GNG7: variants seen among roughly 807,000 people sequenced by gnomAD.
The protein encoded by GNG7 is G protein subunit gamma 7, also known as guanine nucleotide-binding protein G(I)/G(S)/G(O) subunit gamma-7.
GNG7 carries 1 observed loss-of-function variant against 4.0 expected under a neutral mutation model. That is an observed-to-expected ratio of 0.25 (90% CI 0.09 to 1.18). GNG7 has a LOEUF of 1.18. Among genes scored for constraint, GNG7 ranks in the 50% most tolerant of loss-of-function variants. The pLI is 0.50. For missense variants in GNG7, 86 were observed against 91.9 expected (o/e 0.94, Z 0.26); for synonymous variants, 34 against 36.9 (o/e 0.92, Z 0.29).
intron 1 of GNG7, among the ~76,000 whole-genome samples, chr19:2,649,695 A>G (rs1021813569): frequency 2.0e-5 from 3 of 152,070 alleles, no homozygotes; most frequent in African/African-American, 7.2e-5. Flanking sequence ...GCCAGGAATC[A>G]TTATTTTTAA....
At chr19:2,695,573 A>G (rs1387695107) in intron 1 of GNG7, among the ~76,000 whole-genome samples, 1 of 152,172 alleles carries the variant, frequency 6.6e-6, no homozygotes, top group East Asian at 1.9e-4. Context: ...CAGGAAACCC[A>G]GGGGCACCGG....
intron 1 of GNG7, among the ~76,000 whole-genome samples, chr19:2,694,102 T>C (rs915466518): frequency 6.6e-6 from 1 of 151,988 alleles, no homozygotes; most frequent in Admixed American, 6.6e-5. Context: ...CTCTCTGGGG[T>C]TGGGCTACAT....
chr19:2,700,467 TGG>T (rs1005032299), intron 1 of GNG7, among the ~76,000 whole-genome samples: 4 of 152,132 alleles, frequency 2.6e-5, no homozygotes, highest in Admixed American at 2.6e-4. Flanking sequence ...TTAAAGCTTC[TGG>T]GGGTGACCCT....
intron 1 of GNG7, among the ~76,000 whole-genome samples, chr19:2,662,132 C>T (rs1307017795): frequency 6.6e-6 from 1 of 151,806 alleles, no homozygotes; most frequent in Non-Finnish European, 1.5e-5. Context: ...TGGTTGTGGG[C>T]ACCTGTAATC....
chr19:2,578,509 A>G, intron 2 of GNG7, among the ~76,000 whole-genome samples: 1 of 152,248 alleles, frequency 6.6e-6, no homozygotes, highest in South Asian at 2.1e-4. Flanking sequence ...CCCGTCCTGC[A>G]GGGCCTAAGG....
intron 2 of GNG7, among the ~76,000 whole-genome samples, chr19:2,625,022 G>A (rs1415265593): frequency 2.0e-5 from 3 of 152,200 alleles, no homozygotes; most frequent in African/African-American, 7.2e-5. Context: ...CTCCCTGGGG[G>A]CTCGGGCCCT....
At position 2,692,813 on chromosome 19, in the gene GNG7, CG is replaced by C. The variant is rs1375364239; in HGVS notation, c.-135+9832del. Among the ~76,000 whole-genome samples the C allele has an allele frequency of 4.0e-5, 6 of 151,712 alleles. No homozygotes were observed. The South Asian group carries it at 1.2e-3, about 32-fold the overall frequency. ...CCAGCCTGGACAACACAGCAAGACC[CG>C]GTCTCTACAAAAGATACAAAAATTA... is the stretch of plus-strand genomic sequence containing the variant. On this transcript the variant is annotated intron_variant, in intron 1 of 4. Transcript: ENST00000382159.
In GNG7 at chr19:2,594,448, A is replaced by AAGGG. The variant is rs61492364; in HGVS notation, c.-77-39261_-77-39260insCCCT. On this transcript the variant is annotated intron_variant, in intron 2 of 4. Coordinates refer to ENST00000382159, the MANE Select transcript of GNG7 (RefSeq NM_052847.3). ...GAAGGAAGGAAGGAAGGAAGGAAGG[A>AAGGG]GGAAGAAAGAAACTGCAAATTTAAA... 3.2e-5 allele frequency among the ~76,000 whole-genome samples: 3 copies of AAGGG among 94,274 alleles called. No homozygotes were observed. In the East Asian group the frequency reaches 5.9e-4, roughly 18 times the overall value. 61.8% of individuals were successfully genotyped at this position (94,274 alleles called of 152,430 possible). A position where few individuals can be genotyped will look rare whatever the true frequency, so the allele number is the denominator to read the frequency against.
In GNG7 at chr19:2,557,357, A is replaced by G. The variant is rs949064621; in HGVS notation, c.-77-2169T>C. 2.1e-5 allele frequency among the ~76,000 whole-genome samples: 2 copies of G among 93,142 alleles called. No individual in the cohort carries two copies. Among genetic ancestry groups the G allele is most frequent in the African/African-American group, 3.6e-5 (1 of 28,038 alleles). The allele number at this position is 93,142 out of a possible 152,430, so 61.1% of individuals were successfully genotyped here. A position where few individuals can be genotyped will look rare whatever the true frequency, so the allele number is the denominator to read the frequency against. On this transcript the variant is annotated intron_variant, in intron 2 of 4. Transcript: ENST00000382159. This position sits in a 1 kb window ranked among gnomAD's most constrained non-coding sequence, Gnocchi z 5.1. Reference sequence around the variant, plus strand: ...GACACACACATGTGCACACACACAGACACACACACACGTGCACGCACACAT... The same window carrying G: ...GACACACACATGTGCACACACACAGGCACACACACACGTGCACGCACACAT...
At chr19:2,599,383 C>A (rs1399891027) in intron 2 of GNG7, among the ~76,000 whole-genome samples, 4 of 152,102 alleles carry the variant, frequency 2.6e-5, no homozygotes, top group African/African-American at 9.7e-5. Context: ...ATAAACCCAG[C>A]TGGTGGGGAA....
intron 1 of GNG7, among the ~76,000 whole-genome samples, chr19:2,670,732 C>T (rs1200685438): frequency 6.6e-6 from 1 of 151,440 alleles, no homozygotes; most frequent in Non-Finnish European, 1.5e-5. Context: ...CCTGCACCCA[C>T]TCCATGCCAG....
At chr19:2,541,851 G>T (rs887592641) in intron 3 of GNG7, among the ~76,000 whole-genome samples, 1 of 152,056 alleles carries the variant, frequency 6.6e-6, no homozygotes, top group Non-Finnish European at 1.5e-5. Context: ...GGAGTTTGAG[G>T]TTGCAGTGAG....
chr19:2,567,139 AAAAC>A (rs1979941530), intron 2 of GNG7, among the ~76,000 whole-genome samples: 1 of 141,558 alleles, frequency 7.1e-6, no homozygotes, highest in African/African-American at 2.9e-5. Flanking sequence ...AAACAAAAAA[AAAAC>A]AAAAAAAAAA....
intron 1 of GNG7, among the ~76,000 whole-genome samples, chr19:2,678,600 G>C (rs115078537): frequency 0.01 from 1,524 of 151,982 alleles, 18 homozygotes; most frequent in African/African-American, 0.029. Context: ...AAATGCATAC[G>C]GTTTCAGTTT....
chr19:2,661,495 C>T (rs1351548609), intron 1 of GNG7, among the ~76,000 whole-genome samples: 1 of 150,990 alleles, frequency 6.6e-6, no homozygotes, highest in Non-Finnish European at 1.5e-5. Flanking sequence ...CCTATCTCTA[C>T]TAAAAAAAAA....
intron 3 of GNG7, among the ~76,000 whole-genome samples, chr19:2,535,499 CAA>C (rs113272956): frequency 1.1e-3 from 143 of 133,270 alleles, no homozygotes; most frequent in Middle Eastern, 3.8e-3. Context: ...GACCTTGTCT[CAA>C]AAAAAAAAAA....
chr19:2,672,389 C>T (rs1466574606), intron 1 of GNG7, among the ~76,000 whole-genome samples: 4 of 152,038 alleles, frequency 2.6e-5, no homozygotes, highest in African/African-American at 9.7e-5. Flanking sequence ...CTCCCAGCCT[C>T]AAGCAATCCT....
rs531600606 is a variant in GNG7, at chr19:2,617,880, G to A, written c.-78+28344C>T. Among the ~76,000 whole-genome samples the A allele has an allele frequency of 2.6e-5, 4 of 151,918 alleles. No individual in the cohort carries two copies. Among genetic ancestry groups the A allele is most frequent in the East Asian group, 1.9e-4 (1 of 5,170 alleles). The stretch of plus-strand genomic sequence containing the variant: ...ACTACAGGTGTGCACCACCATGCCC[G>A]GCTAATTTTTTAAATGTTTTGTAGA... On this transcript the variant is annotated intron_variant, in intron 2 of 4. Coordinates refer to ENST00000382159, the MANE Select transcript of GNG7 (RefSeq NM_052847.3). The surrounding 1 kb of genome is among the most constrained non-coding windows in gnomAD (Gnocchi z 4.7).
intron 1 of GNG7, among the ~76,000 whole-genome samples, chr19:2,660,088 G>A (rs757857426): frequency 1.3e-5 from 2 of 152,126 alleles, no homozygotes; most frequent in Non-Finnish European, 2.9e-5. Context: ...CATGGAATCC[G>A]TCCCAATTAG....
Sources: gnomAD v4.1 joint callset for allele counts (sites outside exome capture counted in the v4.1 genomes callset) on GRCh38, gnomAD v4.1.1 for gene constraint, Gnocchi (gnomAD v3.1) non-coding constraint, MANE v1.5 for transcripts, NCBI Gene and HGNC (gene_info 2026-07-23, HGNC 2026-07-21) for gene names.